The following SDK2 variants were observed in gnomAD, a reference collection of about 807,000 sequenced individuals.
SDK2 encodes protein sidekick-2.
SDK2 carries 105 observed loss-of-function variants against 253.9 expected under a neutral mutation model. That is an observed-to-expected ratio of 0.41 (90% confidence interval 0.35 to 0.49). The LOEUF is 0.49. SDK2 is among the 20% of genes least tolerant of loss of function. The pLI, the probability that SDK2 is intolerant of heterozygous loss-of-function variation, is 0.06. For missense variants in SDK2, 2,608 were observed against 3,003.0 expected, an observed-to-expected ratio of 0.87 and a Z score of 3.07; for synonymous variants, 1,249 against 1,234.9, an observed-to-expected ratio of 1.01 and a Z score of -0.24.
At chr17:73,425,003 T>A (rs1321091143) in intron 12 of SDK2, among the ~76,000 whole-genome samples, 1 of 152,216 alleles carries the variant, frequency 6.6e-6, no homozygotes, top group Non-Finnish European at 1.5e-5. Context: ...GTGTATCACC[T>A]GAGGTCAGGA....
At chr17:73,581,511 G>T (rs1411641798) in intron 1 of SDK2, among the ~76,000 whole-genome samples, 1 of 152,218 alleles carries the variant, frequency 6.6e-6, no homozygotes, top group Non-Finnish European at 1.5e-5. Context: ...TGTGATAAGC[G>T]CACCTTCAAG....
chr17:73,424,271 G>A (rs1345307463), intron 12 of SDK2, among the ~76,000 whole-genome samples, 179 bp from the exon 13 acceptor site: 1 of 152,184 alleles, frequency 6.6e-6, no homozygotes, highest in South Asian at 2.1e-4. Flanking sequence ...AAACAGTCTG[G>A]AAGCCCATCG....
intron 3 of SDK2, among the ~76,000 whole-genome samples, chr17:73,459,116 C>T (rs1205411342): frequency 2.6e-5 from 4 of 152,168 alleles, no homozygotes; most frequent in Non-Finnish European, 5.9e-5. Flanking sequence ...GCTTCCCTTC[C>T]CTGCCCCCAC....
intron 18 of SDK2, among the ~76,000 whole-genome samples, chr17:73,412,193 C>T (rs1407583143): frequency 2.0e-5 from 3 of 147,904 alleles, no homozygotes; most frequent in Admixed American, 1.4e-4. Flanking sequence ...TGCACATACA[C>T]ACATATACAT....
chr17:73,336,189 A>G lies in SDK2; in HGVS notation c.*2398T>C, dbSNP rs2062376348. 1.3e-5 allele frequency: 2 copies of G among 151,736 alleles called. No individual in the cohort carries two copies. The highest frequency in any genetic ancestry group is 2.9e-5 in the Non-Finnish European group (2 of 67,870). The allele number at this position is 151,736 out of a possible 1,614,324, so 9.4% of individuals were successfully genotyped here. On this transcript the variant is annotated 3_prime_UTR_variant, in exon 45 of 45. Transcript: ENST00000392650. ...GGATGAAGTTATTTAAAAAAAAAAAAAAAAAAAAGATGAGAGGAAAGAAAA... is the reference window on the plus strand; with the variant it reads ...GGATGAAGTTATTTAAAAAAAAAAAGAAAAAAAAGATGAGAGGAAAGAAAA...
At chr17:73,476,445 C>T (rs1411633867) in intron 2 of SDK2, among the ~76,000 whole-genome samples, 2 of 152,046 alleles carry the variant, frequency 1.3e-5, no homozygotes, top group Non-Finnish European at 2.9e-5. Flanking sequence ...TTTTCTTTAT[C>T]GTACGCATAT....
chr17:73,571,245 C>T (rs893931980), intron 1 of SDK2, among the ~76,000 whole-genome samples: 1 of 152,142 alleles, frequency 6.6e-6, no homozygotes, highest in Non-Finnish European at 1.5e-5. Context: ...GGGTCTCTTT[C>T]TGTCAAGGCA....
chr17:73,539,710 T>C (rs756121863), intron 1 of SDK2, among the ~76,000 whole-genome samples: 13 of 152,076 alleles, frequency 8.5e-5, no homozygotes, highest in Non-Finnish European at 1.9e-4. Context: ...TCTTTGAAAA[T>C]ATAGTCTTTG....
At chr17:73,571,313 G>A (rs1313602978) in intron 1 of SDK2, among the ~76,000 whole-genome samples, 1 of 152,160 alleles carries the variant, frequency 6.6e-6, no homozygotes, top group Non-Finnish European at 1.5e-5. Context: ...ATGGTGGGCT[G>A]TGGACCCAAC....
rs189126502 is a variant in SDK2, at chr17:73,334,588, T to G, written c.*3999A>C. 1.3e-5 allele frequency: 2 copies of G among 152,372 alleles called. No individual in the cohort carries two copies. The highest frequency in any genetic ancestry group is 4.8e-5 in the African/African-American group (2 of 41,594). The allele number at this position is 152,372 out of a possible 1,614,324, so 9.4% of individuals were successfully genotyped here. A position where few individuals can be genotyped will look rare whatever the true frequency, so the allele number is the denominator to read the frequency against. ...ATACTCTCCCCATAATTTTTTGTTA[T>G]ATCTTTTAAATCAAAAAATAAAGAT... On this transcript the variant is annotated 3_prime_UTR_variant, in exon 45 of 45. Coordinates refer to ENST00000392650, the MANE Select transcript of SDK2 (RefSeq NM_001144952.2).
intron 2 of SDK2, chr17:73,504,365 C>G (rs974978745): frequency 6.6e-6 from 1 of 151,788 alleles, no homozygotes; most frequent in Admixed American, 6.6e-5. Context: ...CGGTGGCTCA[C>G]GCCTGTAATT....
chr17:73,569,487 C>T (rs770388491), intron 1 of SDK2, among the ~76,000 whole-genome samples: 26 of 151,672 alleles, frequency 1.7e-4, no homozygotes, highest in Non-Finnish European at 2.9e-4. Context: ...CGTGAGGCAC[C>T]GTGCTGGGCC....
intron 4 of SDK2, among the ~76,000 whole-genome samples, chr17:73,450,589 GACCCTTT>G (rs2063483964): frequency 6.6e-6 from 1 of 152,142 alleles, no homozygotes; most frequent in Non-Finnish European, 1.5e-5. Context: ...CCTGTCTTAG[GACCCTTT>G]TGGTCTCCAA....
chr17:73,389,075 T>C (rs2062904349), intron 29 of SDK2, among the ~76,000 whole-genome samples: 1 of 147,176 alleles, frequency 6.8e-6, no homozygotes, highest in Non-Finnish European at 1.5e-5. Context: ...GGCACGATCA[T>C]AGCTCACTAC....
At chr17:73,521,897 G>C (rs2064082687) in intron 1 of SDK2, among the ~76,000 whole-genome samples, 1 of 152,174 alleles carries the variant, frequency 6.6e-6, no homozygotes, top group Non-Finnish European at 1.5e-5. Context: ...CTGGCTGAGG[G>C]CTTGGCACAC....
intron 6 of SDK2, 74 bp downstream of exon 6, chr17:73,440,738 C>T: frequency 9.0e-7 from 1 of 1,114,002 alleles, no homozygotes; most frequent in Non-Finnish European, 1.3e-6. Context: ...TCTGGCTGCT[C>T]TCCCTGGAGC....
At chr17:73,436,887 G>C (rs1891509776) in intron 8 of SDK2, among the ~76,000 whole-genome samples, 1 of 152,124 alleles carries the variant, frequency 6.6e-6, no homozygotes, top group Non-Finnish European at 1.5e-5. Flanking sequence ...TTTTAGATGA[G>C]ATGAAATAAG....
At chr17:73,423,620 A>G in intron 13 of SDK2, 98 bp from the exon 14 acceptor site, 1 of 1,314,668 alleles carries the variant, frequency 7.6e-7, no homozygotes, top group South Asian at 1.9e-5. Flanking sequence ...ACCTTCCATG[A>G]TACCGCATGC....
At position 73,401,009 on chromosome 17, in the gene SDK2, TG is replaced by T; in HGVS notation, c.2971+10del. ...AACTCAAAGAGTCCTGCCTTGAGAG[TG>T]GGCACTTACCTGGGGGCACCCCAGA... On this transcript the variant is annotated intron_variant, in intron 21 of 44. Transcript: ENST00000392650. The T allele has an allele frequency of 6.4e-7, 1 of 1,563,292 alleles. No homozygotes were observed. Among genetic ancestry groups the T allele is most frequent in the Non-Finnish European group, 8.7e-7 (1 of 1,153,536 alleles).
Sources: allele counts gnomAD v4.1 joint callset (sites outside exome capture counted in the v4.1 genomes callset), GRCh38; gene constraint gnomAD v4.1.1; transcripts MANE v1.5; gene names NCBI Gene and HGNC (gene_info 2026-07-23, HGNC 2026-07-21).